Variants in AP4M1 observed in about 807,000 individuals in gnomAD.
AP4M1 encodes AP-4 complex subunit mu-1.
Under a neutral mutation model 62.4 loss-of-function variants are expected in AP4M1, and 58 were observed. The ratio of observed to expected loss-of-function variants is 0.93; its 90% confidence interval spans 0.75 to 1.16. The LOEUF (loss-of-function observed/expected upper bound fraction) is 1.16. Among genes scored for constraint, AP4M1 ranks in the 50% most tolerant of loss-of-function variants. AP4M1 has a pLI of 0.00. For missense variants in AP4M1, 626 were observed against 585.4 expected, an observed-to-expected ratio of 1.07 and a Z score of -0.72; for synonymous variants, 290 against 239.7, an observed-to-expected ratio of 1.21 and a Z score of -1.94.
chr7:100,107,792 GGA>G lies in AP4M1; in HGVS notation c.*911_*912del. The G allele has an allele frequency of 7.3e-7, 1 of 1,377,844 alleles. No individual in the cohort carries two copies. The allele number at this position is 1,377,844 out of a possible 1,614,324, so 85.4% of individuals were successfully genotyped here. On this transcript the variant is annotated 3_prime_UTR_variant, in exon 15 of 15. Transcript: ENST00000359593. The stretch of plus-strand genomic sequence containing the variant: ...CATGCAGGGCAGCTACAGCCCTGCA[GGA>G]CCCTGGTGGGCGCCTCTTCCAGCTC...
chr7:100,103,253 A>C (rs1796204930), intron 4 of AP4M1, 156 bp from the exon 5 acceptor site: 1 of 731,620 alleles, frequency 1.4e-6, no homozygotes, highest in Non-Finnish European at 2.4e-6. Flanking sequence ...TGTGTTGCCC[A>C]GGCTGGTCTT....
At chr7:100,102,457 C>G (rs1796130999) in intron 2 of AP4M1, 1 of 610,372 alleles carries the variant, frequency 1.6e-6, no homozygotes, top group Non-Finnish European at 2.9e-6. Context: ...CCAGGCCCAG[C>G]TCCCTGCGTG....
chr7:100,101,031 C>T (rs1452373588), upstream of AP4M1, among the ~76,000 whole-genome samples: 1 of 152,196 alleles, frequency 6.6e-6, no homozygotes, highest in South Asian at 2.1e-4. Context: ...CCCAACCCCA[C>T]GACCCTAACA....
intron 4 of AP4M1, 110 bp downstream of exon 4, chr7:100,103,070 T>TC (rs996483230): frequency 1.0e-6 from 1 of 976,268 alleles, no homozygotes; most frequent in Non-Finnish European, 1.5e-6. Flanking sequence ...CCTTTTTTTT[T>TC]TTTTTTTTTT....
chr7:100,105,318 T>G lies in AP4M1; in HGVS notation c.806T>G (p.Ile269Ser), dbSNP rs1468149103. 1 of 1,614,090 alleles carries G rather than the reference T, an allele frequency of 6.2e-7. No homozygotes were observed. The change falls in exon 10 of 15, where the codon ATC (isoleucine) becomes AGC (serine). Residue 269 changes from isoleucine to serine, a missense_variant. Coordinates refer to ENST00000359593, the MANE Select transcript of AP4M1 (RefSeq NM_004722.4). ...CTGGACGAATTTGAGTCTCATCGAA[T>G]CCTCCGCTTGCAACCACCTCAGGGC... is the stretch of plus-strand genomic sequence containing the variant. ...VNLDEFESHR[I>S]LRLQPPQGEL...
Position 100,108,344 on chromosome 7 carries a change from C to T in AP4M1, c.*1462C>T, listed in dbSNP as rs529805031. On this transcript the variant is annotated 3_prime_UTR_variant, in exon 15 of 15. Transcript: ENST00000359593. ...GGTTCTCCTCTGCTTCCTCCTATTC[C>T]TCCTCCCCACCCGGCCACGGACCTG... 51 of 1,583,882 alleles carry T rather than the reference C, an allele frequency of 3.2e-5. No homozygotes were observed. The highest frequency in any genetic ancestry group is 2.8e-4 in the South Asian group (25 of 89,134).
chr7:100,104,011 T>C, intron 6 of AP4M1, 81 bp from the exon 7 acceptor site: 3 of 1,267,826 alleles, frequency 2.4e-6, no homozygotes, highest in Non-Finnish European at 3.4e-6. Context: ...GCTTTGACTG[T>C]CCTGTTCTTT....
rs761760665 is a variant in AP4M1 at position 100,107,596 on chromosome 7, C to G, written c.*714C>G. On this transcript the variant is annotated 3_prime_UTR_variant, in exon 15 of 15. Transcript: ENST00000359593. ...GGCGAAGTGGTGGTGGAACCTGAGCCGGGGGCCGAGGTGCTGAGGGACAGG... is the reference window on the plus strand; with the variant it reads ...GGCGAAGTGGTGGTGGAACCTGAGCGGGGGGCCGAGGTGCTGAGGGACAGG... 3.7e-6 allele frequency: 6 copies of G among 1,613,334 alleles called. No homozygotes were observed. Among genetic ancestry groups the G allele is most frequent in the Non-Finnish European group, 5.1e-6 (6 of 1,179,824 alleles).
rs1490616230 is a variant in AP4M1 at position 100,107,491 on chromosome 7, G to A, written c.*609G>A. ...TTCTGGACACTCCCAGGACCAGAGG[G>A]AGCAGTGCTGGGGGGTGCGGTGGTG... On this transcript the variant is annotated 3_prime_UTR_variant, in exon 15 of 15. Transcript: ENST00000359593. 8 of 1,614,082 alleles carry A rather than the reference G, an allele frequency of 5.0e-6. No individual in the cohort carries two copies. Among genetic ancestry groups the A allele is most frequent in the Non-Finnish European group, 6.8e-6 (8 of 1,179,980 alleles).
In AP4M1 at chr7:100,106,940, T is replaced by A; in HGVS notation, c.*58T>A. 6.5e-7 allele frequency: 1 copy of A among 1,547,326 alleles called. No homozygotes were observed. The highest frequency in any genetic ancestry group is 8.7e-7 in the Non-Finnish European group (1 of 1,143,604). The stretch of plus-strand genomic sequence containing the variant: ...GGCAGTTTGTCCCACGGGAGGACAG[T>A]CGTTTCTTTTCCAGCCTCCTGGCCT... On this transcript the variant is annotated 3_prime_UTR_variant, in exon 15 of 15. Transcript: ENST00000359593.
In AP4M1 at chr7:100,101,903, G is replaced by A. The variant is rs756165089; in HGVS notation, c.82G>A (p.Asp28Asn). 1.2e-6 allele frequency: 2 copies of A among 1,613,076 alleles called. No homozygotes were observed. Among genetic ancestry groups the A allele is most frequent in the African/African-American group, 2.7e-5 (2 of 75,060 alleles). ...KDFRGDSGGRDVAELFYRKLT... is the reference protein window; with the variant it reads ...KDFRGDSGGRNVAELFYRKLT... ...AGTCCGCGGGGACAGTGGCGGCCGG[G>A]ATGTGGCCGAGCTCTTCTACCGGAA... The change falls in exon 2 of 15, where the codon GAT (aspartate) becomes AAT (asparagine). Residue 28 changes from aspartate to asparagine, a missense_variant. By Grantham distance (23) the Asp-to-Asn change is conservative. Coordinates refer to ENST00000359593, the MANE Select transcript of AP4M1 (RefSeq NM_004722.4).
intron 2 of AP4M1, 133 bp from the exon 3 acceptor site, chr7:100,102,537 GGCATA>G (rs1796136382): frequency 2.7e-6 from 2 of 749,184 alleles, no homozygotes; most frequent in African/African-American, 3.5e-5. Context: ...GCTGGGCCCA[GGCATA>G]TGTCATGTAT....
At chr7:100,100,999 C>T (rs919634124), upstream of AP4M1, 4 of 832,438 alleles carry the variant, frequency 4.8e-6, no homozygotes, top group African/African-American at 3.5e-5. Context: ...AGCCCCCAGC[C>T]GGGTTAGCGC....
In AP4M1 at chr7:100,107,195, C is replaced by T. The variant is rs373645576; in HGVS notation, c.*313C>T. On this transcript the variant is annotated 3_prime_UTR_variant, in exon 15 of 15. Transcript: ENST00000359593. ...GCGAGCATGCATGTGTGTACGTGCA[C>T]GTGTGTACATGTCTGCATGTGTGGG... 448 of 1,519,110 alleles carry T rather than the reference C, an allele frequency of 2.9e-4. 9 individuals are homozygous for T. The South Asian group carries it at 5.0e-3, about 17-fold the overall frequency. 94.1% of individuals were successfully genotyped at this position (1,519,110 alleles called of 1,614,324 possible). A position where few individuals can be genotyped will look rare whatever the true frequency, so the allele number is the denominator to read the frequency against.
Position 100,108,112 on chromosome 7 carries a change from C to T in AP4M1, c.*1230C>T, listed in dbSNP as rs777205869. The T allele has an allele frequency of 2.5e-5, 40 of 1,601,856 alleles. No individual in the cohort carries two copies. Among genetic ancestry groups the T allele is most frequent in the South Asian group, 8.9e-5 (8 of 89,722 alleles). ...GCTGTGGGGCCTGCGAGAGGGTCAG[C>T]GTGGGCCGGGGCTGCGGGGAGAAGA... On this transcript the variant is annotated 3_prime_UTR_variant, in exon 15 of 15. Coordinates refer to ENST00000359593, the MANE Select transcript of AP4M1 (RefSeq NM_004722.4).
At chr7:100,101,456 G>T, upstream of AP4M1, 1 of 980,128 alleles carries the variant, frequency 1.0e-6, no homozygotes, top group Non-Finnish European at 1.5e-6. Flanking sequence ...AATCGGACAA[G>T]GCGGCCTTCT....
At position 100,108,710 on chromosome 7, in the gene AP4M1, T is replaced by G; in HGVS notation, c.*1828T>G. The G allele has an allele frequency of 3.2e-6, 2 of 631,388 alleles. No homozygotes were observed. Among genetic ancestry groups the G allele is most frequent in the Non-Finnish European group, 5.3e-6 (2 of 377,490 alleles). The allele number at this position is 631,388 out of a possible 1,614,324, so 39.1% of individuals were successfully genotyped here. On this transcript the variant is annotated 3_prime_UTR_variant, in exon 15 of 15. Coordinates refer to ENST00000359593, the MANE Select transcript of AP4M1 (RefSeq NM_004722.4). ...CAAATTATGCTGAACTATTAGTGTG[T>G]GTACAGAACACTGTGGGCTTTCTCA...
intron 2 of AP4M1, chr7:100,102,253 T>C (rs1262071567): frequency 7.0e-6 from 4 of 569,058 alleles, no homozygotes; most frequent in African/African-American, 1.9e-5. Flanking sequence ...TAGCTGGGCG[T>C]GGTGGCGGGC....
In AP4M1 at chr7:100,106,278, C is replaced by G. The variant is rs146262009; in HGVS notation, c.1012C>G (p.Arg338Gly). 6 of 1,614,046 alleles carry G rather than the reference C, an allele frequency of 3.7e-6. No homozygotes were observed. Among genetic ancestry groups the G allele is most frequent in the East Asian group, 2.2e-5 (1 of 44,878 alleles). Residue 338 changes from arginine to glycine, a missense_variant, in exon 13 of 15, where the codon CGA becomes GGA. Transcript: ENST00000359593. ...TGTCAGGCTGCACCTCCCCCTGCCT[C>G]GAGGGGTGGTCAGGTGAGTGTGTGC... ...LNVRLHLPLP[R>G]GVVSLSQELS...
Sources: gnomAD v4.1 joint callset for allele counts (sites outside exome capture counted in the v4.1 genomes callset) on GRCh38, gnomAD v4.1.1 for gene constraint, MANE v1.5 for transcripts, NCBI Gene and HGNC (gene_info 2026-07-23, HGNC 2026-07-21) for gene names.